Variants in CARNMT1 observed in about 807,000 individuals in gnomAD.
CARNMT1 encodes carnosine N-methyltransferase 1.
Under a neutral mutation model 49.6 loss-of-function variants are expected in CARNMT1, and 28 were observed. That is an observed-to-expected ratio of 0.56 (90% CI 0.42 to 0.77). The LOEUF is 0.77. CARNMT1 is among the 30% of genes least tolerant of loss of function. CARNMT1 has a pLI of 0.00. For synonymous variants in CARNMT1, 178 were observed against 175.0 expected (o/e 1.02, Z -0.13); for missense variants, 421 against 512.6 (o/e 0.82, Z 1.73).
intron 1 of CARNMT1, among the ~76,000 whole-genome samples, chr9:75,019,377 C>T (rs757478243): frequency 4.6e-5 from 7 of 152,134 alleles, no homozygotes; most frequent in Admixed American, 2.0e-4. Flanking sequence ...ACATGGCCAA[C>T]GGATTTCAAT....
At position 75,028,060 on chromosome 9, in the gene CARNMT1, A is replaced by T; in HGVS notation, c.182T>A (p.Leu61His). 6.3e-7 allele frequency: 1 copy of T among 1,580,372 alleles called. No homozygotes were observed. The highest frequency in any genetic ancestry group is 1.1e-5 in the South Asian group (1 of 87,492). Residue 61 changes from leucine (L) to histidine (H), a missense_variant, in exon 1 of 8, where the codon CTT becomes CAT. Transcript: ENST00000376834. ...TRSTEEEEERLEREHFWKIIN... is the reference protein window; with the variant it reads ...TRSTEEEEERHEREHFWKIIN... ...GATCTTCCAGAAGTGCTCACGCTCA[A>T]GCCTCTCCTCCTCCTCCTCGGTGCT... is the stretch of plus-strand genomic sequence containing the variant.
In CARNMT1 at chr9:75,016,679, G is replaced by A. The variant is rs1833866006; in HGVS notation, c.427-248C>T. ...CATATAATTAAGCAGTCTTTACTCA[G>A]GAGAGGACCAAACTGAGCTGCTATG... On this transcript the variant is annotated intron_variant, in intron 2 of 7. Transcript: ENST00000376834. 7.0e-6 allele frequency: 3 copies of A among 426,272 alleles called. No homozygotes were observed. The South Asian group carries it at 1.2e-4, about 16-fold the overall frequency. 26.4% of individuals were successfully genotyped at this position (426,272 alleles called of 1,614,324 possible). A position where few individuals can be genotyped will look rare whatever the true frequency, so the allele number is the denominator to read the frequency against.
At chr9:75,006,492 C>A (rs1004921991) in intron 3 of CARNMT1, among the ~76,000 whole-genome samples, 1 of 152,106 alleles carries the variant, frequency 6.6e-6, no homozygotes, top group African/African-American at 2.4e-5. Flanking sequence ...ATAAGGAAAT[C>A]AATCTAAATC....
chr9:75,022,702 C>T (rs755084799), intron 1 of CARNMT1, among the ~76,000 whole-genome samples: 1 of 152,160 alleles, frequency 6.6e-6, no homozygotes, highest in South Asian at 2.1e-4. Context: ...AGTGTTTACT[C>T]CCGGGCTCTG....
chr9:74,983,684 C>T lies in CARNMT1; in HGVS notation c.*83G>A, dbSNP rs1832743926. ...CCACTGATTTGAGGTTGTGTCCTGTCATCACTGATAGTTGATTTTGAGTCG... is the reference window on the plus strand; with the variant it reads ...CCACTGATTTGAGGTTGTGTCCTGTTATCACTGATAGTTGATTTTGAGTCG... On this transcript the variant is annotated 3_prime_UTR_variant, in exon 8 of 8. Transcript: ENST00000376834. The T allele has an allele frequency of 6.6e-6, 5 of 753,362 alleles. No individual in the cohort carries two copies. Among genetic ancestry groups the T allele is most frequent in the East Asian group, 2.6e-5 (1 of 39,082 alleles). The allele number at this position is 753,362 out of a possible 1,614,324, so 46.7% of individuals were successfully genotyped here.
chr9:74,996,358 T>C (rs1477918339), intron 6 of CARNMT1, 89 bp downstream of exon 6: 7 of 684,746 alleles, frequency 1.0e-5, no homozygotes, highest in South Asian at 3.7e-5. Context: ...CTAATGTTCA[T>C]GCACATTTGA....
intron 7 of CARNMT1, among the ~76,000 whole-genome samples, chr9:74,984,178 T>A (rs946782331): frequency 6.6e-6 from 1 of 152,138 alleles, no homozygotes; most frequent in Admixed American, 6.5e-5. Context: ...TCTAAATAAA[T>A]GAACTGAAAC....
At chr9:75,024,375 C>T (rs571327055) in intron 1 of CARNMT1, among the ~76,000 whole-genome samples, 31 of 152,250 alleles carry the variant, frequency 2.0e-4, no homozygotes, top group African/African-American at 7.2e-4. Context: ...AGTTGCTTAC[C>T]GCTTTGTGTC....
intron 3 of CARNMT1, among the ~76,000 whole-genome samples, chr9:75,015,304 AAC>A (rs1190237690): frequency 5.9e-5 from 9 of 152,224 alleles, no homozygotes; most frequent in African/African-American, 2.2e-4. Context: ...AAGTTCTCAA[AAC>A]AGTGTATATC....
Position 75,013,993 on chromosome 9 carries a change from A to G in CARNMT1, c.590+2275T>C, listed in dbSNP as rs11144193. On this transcript the variant is annotated intron_variant, in intron 3 of 7. Coordinates refer to ENST00000376834, the MANE Select transcript of CARNMT1 (RefSeq NM_152420.3). Reference sequence around the variant, plus strand: ...GTCAAAAAAAAGAGAGAGAGAGAGAAAAAAAAAAAAACCACATCCACTTAC... The same window carrying G: ...GTCAAAAAAAAGAGAGAGAGAGAGAGAAAAAAAAAAACCACATCCACTTAC... Among the ~76,000 whole-genome samples the G allele has an allele frequency of 5.5e-3, 805 of 145,096 alleles. 1 individual carries two copies. The highest frequency in any genetic ancestry group is 6.9e-3 in the Non-Finnish European group (463 of 66,650).
intron 6 of CARNMT1, among the ~76,000 whole-genome samples, chr9:74,994,924 A>G (rs1833141549): frequency 6.6e-6 from 1 of 152,196 alleles, no homozygotes; most frequent in Non-Finnish European, 1.5e-5. Context: ...TCTGATGCCC[A>G]TGACAGATCA....
chr9:75,003,478 C>T (rs915874429), intron 3 of CARNMT1, among the ~76,000 whole-genome samples: 4 of 152,230 alleles, frequency 2.6e-5, no homozygotes, highest in Admixed American at 6.5e-5. Context: ...TGCAACAAGG[C>T]GCTAAGCAGT....
chr9:74,988,774 A>T (rs1026949937), intron 6 of CARNMT1, among the ~76,000 whole-genome samples: 16 of 152,246 alleles, frequency 1.1e-4, no homozygotes, highest in Non-Finnish European at 2.4e-4. Flanking sequence ...AGAATGTAAG[A>T]AATACTTGTA....
chr9:74,986,088 A>G (rs1832827981), intron 6 of CARNMT1, among the ~76,000 whole-genome samples: 1 of 152,172 alleles, frequency 6.6e-6, no homozygotes, highest in Non-Finnish European at 1.5e-5. Context: ...TCATCCAGGA[A>G]CCATTATCAC....
chr9:74,986,806 T>C (rs902372315), intron 6 of CARNMT1, among the ~76,000 whole-genome samples: 1 of 152,226 alleles, frequency 6.6e-6, no homozygotes, highest in African/African-American at 2.4e-5. Flanking sequence ...TAACACTCAT[T>C]TAATGCTGTG....
chr9:74,999,679 T>A (rs750368684), intron 4 of CARNMT1, 51 bp downstream of exon 4: 1 of 1,521,870 alleles, frequency 6.6e-7, no homozygotes, highest in South Asian at 1.2e-5. Context: ...AATAGGTAAG[T>A]CAATCTGATT....
intron 6 of CARNMT1, 30 bp from the exon 7 acceptor site, chr9:74,985,040 G>T: frequency 6.8e-7 from 1 of 1,472,220 alleles, no homozygotes; most frequent in Non-Finnish European, 9.5e-7. Context: ...TGAATTACTT[G>T]AATATAAACA....
intron 3 of CARNMT1, among the ~76,000 whole-genome samples, chr9:75,003,931 A>T (rs1177741319): frequency 6.6e-6 from 1 of 152,362 alleles, no homozygotes; most frequent in East Asian, 1.9e-4. Flanking sequence ...GCTAGAGTGC[A>T]GTGGCACAAT....
chr9:74,981,521 A>C lies in CARNMT1; in HGVS notation c.*2246T>G, dbSNP rs1457266972. ...TCAAGTTTAGAATATATTAACTGCA[A>C]AAGCTGTAAGAAAAGAAGTGATGCA... On this transcript the variant is annotated 3_prime_UTR_variant, in exon 8 of 8. Coordinates refer to ENST00000376834, the MANE Select transcript of CARNMT1 (RefSeq NM_152420.3). The C allele has an allele frequency of 8.5e-5, 13 of 152,174 alleles. No individual in the cohort carries two copies. Among genetic ancestry groups the C allele is most frequent in the Non-Finnish European group, 2.9e-5 (2 of 67,992 alleles). The allele number at this position is 152,174 out of a possible 1,614,324, so 9.4% of individuals were successfully genotyped here.
Sources: allele counts gnomAD v4.1 joint callset (sites outside exome capture counted in the v4.1 genomes callset), GRCh38; gene constraint gnomAD v4.1.1; transcripts MANE v1.5; gene names NCBI Gene and HGNC (gene_info 2026-07-23, HGNC 2026-07-21).